The following ACTR3C variants were observed in gnomAD, a reference collection of about 807,000 sequenced individuals.
ACTR3C encodes the protein actin related protein 3C, also known as actin-related protein 3C.
A neutral mutation model predicts 26.3 loss-of-function variants in ACTR3C; 18 were observed. That is an observed-to-expected ratio of 0.68 (90% CI 0.47 to 1.01). The LOEUF (loss-of-function observed/expected upper bound fraction) is 1.01. ACTR3C is among the 50% of genes least tolerant of loss of function. The pLI is 0.00. For synonymous variants in ACTR3C, 55 were observed against 94.5 expected (o/e 0.58, Z 2.42); for missense variants, 184 against 250.7 (o/e 0.73, Z 1.80).
chr7:149,975,957 C>A, the ACTR3C span, among the ~76,000 whole-genome samples: 1 of 152,282 alleles, frequency 6.6e-6, no homozygotes, highest in Non-Finnish European at 1.5e-5. Flanking sequence ...CCATTTCATT[C>A]ACCAAAACCA....
At chr7:150,305,449 C>G (rs1435520375) in intron 1 of ACTR3C, among the ~76,000 whole-genome samples, 3 of 152,064 alleles carry the variant, frequency 2.0e-5, no homozygotes, top group Non-Finnish European at 4.4e-5. Flanking sequence ...CCACGTGGCT[C>G]TCACTGTCTA....
the ACTR3C span, among the ~76,000 whole-genome samples, chr7:149,940,383 C>T: frequency 2.6e-5 from 4 of 151,854 alleles, no homozygotes; most frequent in Non-Finnish European, 2.9e-5. Flanking sequence ...CACATCTTAC[C>T]AAAGAGGGCC....
the ACTR3C span, among the ~76,000 whole-genome samples, chr7:150,071,015 C>T: frequency 2.8e-5 from 4 of 144,088 alleles, no homozygotes; most frequent in South Asian, 2.2e-4. Flanking sequence ...AGGATGGTCT[C>T]GATCTCCTGA....
chr7:150,092,887 T>C, the ACTR3C span, among the ~76,000 whole-genome samples: 3 of 151,424 alleles, frequency 2.0e-5, no homozygotes, highest in African/African-American at 7.4e-5. Context: ...CTGTGGAGAA[T>C]TGGCTCCAGA....
the ACTR3C span, among the ~76,000 whole-genome samples, chr7:149,946,172 C>T: frequency 6.6e-5 from 10 of 152,300 alleles, no homozygotes; most frequent in Middle Eastern, 3.4e-3. Context: ...CCTGGGCCAG[C>T]GCTCCAGGAA....
chr7:150,318,958 C>T lies in ACTR3C; in HGVS notation c.-52+4511G>A, dbSNP rs372831344. 2.0e-5 allele frequency among the ~76,000 whole-genome samples: 3 copies of T among 152,144 alleles called. No individual in the cohort carries two copies. In the South Asian group the frequency reaches 6.2e-4, roughly 31 times the overall value. On this transcript the variant is annotated intron_variant, in intron 1 of 7. Transcript: ENST00000683684. ...CAGACCCACATAATGGGTGTGGGCC[C>T]TGTATTCTGCATTTTCAAACAAGTT...
At chr7:150,238,772 C>T in the ACTR3C span, among the ~76,000 whole-genome samples, 1 of 148,930 alleles carries the variant, frequency 6.7e-6, no homozygotes, top group Non-Finnish European at 1.5e-5. Flanking sequence ...TAGGTGAATC[C>T]TTCCCTAATG....
At chr7:150,065,171 C>A in the ACTR3C span, among the ~76,000 whole-genome samples, 1 of 151,864 alleles carries the variant, frequency 6.6e-6, no homozygotes, top group Non-Finnish European at 1.5e-5. Flanking sequence ...GTAATTCCTG[C>A]AAGGAAAAAA....
chr7:150,318,030 T>TGA (rs1362057270), intron 1 of ACTR3C, among the ~76,000 whole-genome samples: 5 of 152,178 alleles, frequency 3.3e-5, no homozygotes, highest in Non-Finnish European at 7.3e-5. Flanking sequence ...AAAATGGGGA[T>TGA]TTCCTCTCAA....
At chr7:150,112,865 T>C in the ACTR3C span, among the ~76,000 whole-genome samples, 1 of 151,996 alleles carries the variant, frequency 6.6e-6, no homozygotes, top group African/African-American at 2.4e-5. Flanking sequence ...CTGTTTCCCC[T>C]CCTCCAAGCT....
chr7:150,196,063 T>C, the ACTR3C span, among the ~76,000 whole-genome samples: 1 of 152,252 alleles, frequency 6.6e-6, no homozygotes, highest in African/African-American at 2.4e-5. Context: ...TGTGTGTCTG[T>C]GTACACAAAT....
At chr7:150,080,551 G>A in the ACTR3C span, among the ~76,000 whole-genome samples, 1 of 151,934 alleles carries the variant, frequency 6.6e-6, no homozygotes, top group Non-Finnish European at 1.5e-5. Context: ...GTGTGTGTGT[G>A]TGTGTGTGTG....
chr7:150,234,080 C>T, the ACTR3C span, among the ~76,000 whole-genome samples: 178 of 152,268 alleles, frequency 1.2e-3, no homozygotes, highest in Non-Finnish European at 2.1e-3. Context: ...TGACTTTGGG[C>T]ATCCTTATAT....
At chr7:150,198,631 G>A in the ACTR3C span, among the ~76,000 whole-genome samples, 144 of 149,968 alleles carry the variant, frequency 9.6e-4, 7 homozygotes, top group African/African-American at 3.5e-3. Flanking sequence ...TGAGAAGTGA[G>A]GAGATCCTCC....
At chr7:149,955,184 C>A in the ACTR3C span, among the ~76,000 whole-genome samples, 5 of 152,206 alleles carry the variant, frequency 3.3e-5, no homozygotes, top group Non-Finnish European at 7.3e-5. Context: ...AACTGCTTCT[C>A]CAGTTAGTAC....
chr7:150,238,864 G>A, the ACTR3C span, among the ~76,000 whole-genome samples: 1 of 145,778 alleles, frequency 6.9e-6, no homozygotes, highest in Admixed American at 6.7e-5. Context: ...AGATATGCAT[G>A]TGCTTTTTGA....
chr7:149,962,039 C>A, the ACTR3C span, among the ~76,000 whole-genome samples: 2 of 152,046 alleles, frequency 1.3e-5, no homozygotes, highest in Non-Finnish European at 2.9e-5. Flanking sequence ...AGTGTGGGTT[C>A]ACAGGAAGTG....
the ACTR3C span, among the ~76,000 whole-genome samples, chr7:150,072,832 G>T: frequency 6.6e-6 from 1 of 152,022 alleles, no homozygotes; most frequent in African/African-American, 2.4e-5. Flanking sequence ...AGGAGGTGAA[G>T]GAAGATACTG....
At chr7:149,988,251 A>G in the ACTR3C span, among the ~76,000 whole-genome samples, 1 of 152,270 alleles carries the variant, frequency 6.6e-6, no homozygotes, top group African/African-American at 2.4e-5. Flanking sequence ...TTAGTTACGC[A>G]CTGAAAGTTA....
Sources: allele counts gnomAD v4.1 joint callset (sites outside exome capture counted in the v4.1 genomes callset), GRCh38; gene constraint gnomAD v4.1.1; transcripts MANE v1.5; gene names NCBI Gene and HGNC (gene_info 2026-07-23, HGNC 2026-07-21).